The following HYCC1 variants were observed in gnomAD, a reference collection of about 807,000 sequenced individuals.
The protein encoded by HYCC1 is hyccin PI4KA lipid kinase complex subunit 1, also known as hyccin.
chr7:22,996,773 G>C, the HYCC1 span, among the ~76,000 whole-genome samples: 1 of 152,030 alleles, frequency 6.6e-6, no homozygotes, highest in African/African-American at 2.4e-5. Context: ...CTCTCTACAA[G>C]TTGCTAACCC....
the HYCC1 span, among the ~76,000 whole-genome samples, chr7:22,911,834 A>G: frequency 6.6e-6 from 1 of 152,240 alleles, no homozygotes; most frequent in Non-Finnish European, 1.5e-5. Flanking sequence ...ATATTTTTGA[A>G]GTGAATTCTA....
the HYCC1 span, among the ~76,000 whole-genome samples, chr7:22,985,375 G>A: frequency 6.6e-6 from 1 of 152,080 alleles, no homozygotes; most frequent in Admixed American, 6.5e-5. Context: ...ACTCACCACA[G>A]GCCCTCATAC....
At chr7:22,960,454 G>A in the HYCC1 span, 1 of 1,493,438 alleles carries the variant, frequency 6.7e-7, no homozygotes, top group Non-Finnish European at 9.3e-7. Flanking sequence ...AACATGAGCA[G>A]ATAGAGCAGA....
the HYCC1 span, among the ~76,000 whole-genome samples, chr7:23,005,652 A>G: frequency 6.6e-6 from 1 of 151,594 alleles, no homozygotes; most frequent in Non-Finnish European, 1.5e-5. Context: ...CTCATCATCT[A>G]CTCTCCATGA....
At chr7:22,936,154 T>C in the HYCC1 span, 1 of 151,930 alleles carries the variant, frequency 6.6e-6, no homozygotes, top group Non-Finnish European at 1.5e-5. Context: ...ACAAGCATGG[T>C]GCTTAGGGAA....
chr7:22,988,118 A>C, the HYCC1 span, among the ~76,000 whole-genome samples: 35 of 152,232 alleles, frequency 2.3e-4, no homozygotes, highest in Non-Finnish European at 4.8e-4. Flanking sequence ...CATAGAGCTG[A>C]ATACAACACA....
the HYCC1 span, among the ~76,000 whole-genome samples, chr7:22,994,891 A>G: frequency 2.6e-5 from 4 of 151,952 alleles, no homozygotes; most frequent in Non-Finnish European, 5.9e-5. Context: ...AGTCATCATA[A>G]CTCTTTGTAC....
the HYCC1 span, among the ~76,000 whole-genome samples, chr7:22,972,354 G>A: frequency 6.6e-6 from 1 of 152,166 alleles, no homozygotes; most frequent in Non-Finnish European, 1.5e-5. Flanking sequence ...CAGGTACACA[G>A]AAACAAATAC....
At chr7:22,987,533 G>A in the HYCC1 span, among the ~76,000 whole-genome samples, 8 of 152,196 alleles carry the variant, frequency 5.3e-5, no homozygotes, top group Admixed American at 1.3e-4. Flanking sequence ...GGGTGACAGT[G>A]TGAGACCCTG....
chr7:22,950,169 T>C, the HYCC1 span, among the ~76,000 whole-genome samples: 1 of 152,008 alleles, frequency 6.6e-6, no homozygotes, highest in Non-Finnish European at 1.5e-5. Context: ...GCTGAATGGC[T>C]CATTTCCTTA....
the HYCC1 span, among the ~76,000 whole-genome samples, chr7:22,927,372 C>CA: frequency 5.4e-4 from 82 of 151,592 alleles, no homozygotes; most frequent in Admixed American, 1.6e-3. Context: ...AAAAAGCCTT[C>CA]AAAAAAAATC....
At chr7:22,945,436 C>A in the HYCC1 span, 7 of 655,294 alleles carry the variant, frequency 1.1e-5, no homozygotes, top group East Asian at 2.7e-5. Context: ...GCAACCTAGA[C>A]AATCTTCCCT....
the HYCC1 span, among the ~76,000 whole-genome samples, chr7:22,917,979 TG>T: frequency 6.6e-6 from 1 of 152,150 alleles, no homozygotes; most frequent in African/African-American, 2.4e-5. Flanking sequence ...AACAAACAAT[TG>T]CTGGCTTTGC....
chr7:23,011,761 T>G, the HYCC1 span, among the ~76,000 whole-genome samples: 1 of 152,184 alleles, frequency 6.6e-6, no homozygotes, highest in Non-Finnish European at 1.5e-5. Flanking sequence ...CAATGACTTA[T>G]CTAAATTGCC....
At chr7:22,968,062 C>A in the HYCC1 span, among the ~76,000 whole-genome samples, 2 of 152,144 alleles carry the variant, frequency 1.3e-5, no homozygotes, top group Non-Finnish European at 2.9e-5. Context: ...GAGATCACTA[C>A]CTCCATATCT....
At chr7:22,971,093 G>C in the HYCC1 span, among the ~76,000 whole-genome samples, 1 of 151,686 alleles carries the variant, frequency 6.6e-6, no homozygotes, top group Non-Finnish European at 1.5e-5. Flanking sequence ...CTCATTCTCT[G>C]GTGAGAGACA....
the HYCC1 span, among the ~76,000 whole-genome samples, chr7:22,978,793 T>C: frequency 3.9e-5 from 6 of 152,292 alleles, no homozygotes; most frequent in Non-Finnish European, 7.4e-5. Context: ...TAGAACCCTA[T>C]TGTAACCATG....
chr7:23,000,517 T>C, the HYCC1 span, among the ~76,000 whole-genome samples: 1 of 152,100 alleles, frequency 6.6e-6, no homozygotes, highest in Non-Finnish European at 1.5e-5. Flanking sequence ...AAAAATACAA[T>C]CACATTCTAC....
chr7:22,976,680 C>G, the HYCC1 span: 1 of 1,476,582 alleles, frequency 6.8e-7, no homozygotes, highest in Non-Finnish European at 9.5e-7. Context: ...GAATTTTTAT[C>G]CCCACAGTAT....
Sources: gnomAD v4.1 joint callset for allele counts (sites outside exome capture counted in the v4.1 genomes callset) on GRCh38, gnomAD v4.1.1 for gene constraint, MANE v1.5 for transcripts, NCBI Gene and HGNC (gene_info 2026-07-23, HGNC 2026-07-21) for gene names.